The following IKZF2 variants were observed in gnomAD, a reference collection of about 807,000 sequenced individuals.
The protein encoded by IKZF2 is zinc finger protein Helios.
In IKZF2, 15 loss-of-function variants were observed where a neutral mutation model predicts 49.2. That is an observed-to-expected ratio of 0.30 (90% CI 0.20 to 0.47). IKZF2 has a LOEUF of 0.47. IKZF2 is among the 20% of genes least tolerant of loss of function. IKZF2 has a pLI of 1.00. For missense variants in IKZF2, 567 were observed against 664.6 expected (o/e 0.85, Z 1.61); for synonymous variants, 227 against 221.4 (o/e 1.03, Z -0.23).
At chr2:213,056,158 T>A (rs1312788396) in intron 5 of IKZF2, among the ~76,000 whole-genome samples, 2 of 152,166 alleles carry the variant, frequency 1.3e-5, no homozygotes, top group Non-Finnish European at 2.9e-5. Flanking sequence ...ACTTTTCACC[T>A]CTCAAATGTT....
chr2:213,105,286 G>C (rs557444398), intron 4 of IKZF2, among the ~76,000 whole-genome samples: 1 of 151,992 alleles, frequency 6.6e-6, no homozygotes, highest in Non-Finnish European at 1.5e-5. Context: ...ATCATAGCCC[G>C]AAGATCCAAT....
intron 4 of IKZF2, among the ~76,000 whole-genome samples, chr2:213,083,912 A>G (rs1461339773): frequency 6.6e-6 from 1 of 151,854 alleles, no homozygotes; most frequent in Non-Finnish European, 1.5e-5. Context: ...ACAATGTAAT[A>G]ATAGAAACAA....
chr2:213,021,286 T>A (rs1274836785), intron 7 of IKZF2, among the ~76,000 whole-genome samples: 2 of 152,044 alleles, frequency 1.3e-5, no homozygotes, highest in African/African-American at 4.8e-5. Flanking sequence ...TAAGTTGAGA[T>A]TTTTGTCTTT....
rs773991455 is a variant in IKZF2 at position 213,049,695 on chromosome 2, G to A, written c.574+18C>T. 8.6e-6 allele frequency: 13 copies of A among 1,515,788 alleles called. No individual in the cohort carries two copies. The East Asian group carries it at 2.8e-4, about 33-fold the overall frequency. The allele number at this position is 1,515,788 out of a possible 1,614,324, so 93.9% of individuals were successfully genotyped here. On this transcript the variant is annotated intron_variant, in intron 6 of 8. Coordinates refer to ENST00000434687, the MANE Select transcript of IKZF2 (RefSeq NM_001387220.1). ...TTTCCTGTTTTACTTTTCTTCTCAA[G>A]GAGTTGGTGACACTTACCAGAATGG...
At chr2:213,063,034 T>C (rs1166260164) in intron 4 of IKZF2, among the ~76,000 whole-genome samples, 2 of 152,012 alleles carry the variant, frequency 1.3e-5, no homozygotes, top group Non-Finnish European at 2.9e-5. Flanking sequence ...TTTCATGCAA[T>C]GTATTTGTTC....
intron 4 of IKZF2, among the ~76,000 whole-genome samples, chr2:213,075,515 G>A (rs1703157000): frequency 6.6e-6 from 1 of 152,032 alleles, no homozygotes; most frequent in Admixed American, 6.5e-5. Context: ...ATTAGTAGAA[G>A]TTTATTTTTT....
At chr2:213,083,421 G>A (rs550689879) in intron 4 of IKZF2, among the ~76,000 whole-genome samples, 14 of 122,296 alleles carry the variant, frequency 1.1e-4, no homozygotes, top group African/African-American at 3.5e-4. Flanking sequence ...ACGGAGTTTC[G>A]CTCTTGTTGC....
intron 4 of IKZF2, among the ~76,000 whole-genome samples, chr2:213,111,100 T>C (rs1052055846): frequency 3.3e-5 from 5 of 152,002 alleles, no homozygotes; most frequent in African/African-American, 1.2e-4. Context: ...ATGCTATTTT[T>C]TGCCATGTAG....
intron 4 of IKZF2, among the ~76,000 whole-genome samples, chr2:213,074,344 T>G (rs1559238353): frequency 6.6e-6 from 1 of 152,200 alleles, no homozygotes; most frequent in Non-Finnish European, 1.5e-5. Context: ...ATATATTGCC[T>G]GTTGTTCCTA....
chr2:213,053,594 T>C (rs780123995), intron 5 of IKZF2, among the ~76,000 whole-genome samples: 19 of 152,270 alleles, frequency 1.2e-4, no homozygotes, highest in Non-Finnish European at 2.1e-4. Flanking sequence ...AAAGCTGCAA[T>C]GTACAAAATA....
chr2:213,007,876 A>G lies in IKZF2; in HGVS notation c.1065T>C (p.Tyr355=). 1 of 1,613,560 alleles carries G rather than the reference A, an allele frequency of 6.2e-7. No individual in the cohort carries two copies. Among genetic ancestry groups the G allele is most frequent in the Admixed American group, 1.7e-5 (1 of 59,900 alleles). ...TCCTATTTGGATGATAGACCTGAGA[A>G]TAAGCTGAGCTTATAACTGGGGCCA... ...AEVAPVISSA[Y]SQVYHPNRIE... Residue 355 remains tyrosine (Y), a synonymous_variant, in exon 9 of 9, where the codon TAT becomes TAC. Transcript: ENST00000434687.
chr2:213,028,159 C>A (rs1258098258), intron 6 of IKZF2, among the ~76,000 whole-genome samples: 1 of 151,930 alleles, frequency 6.6e-6, no homozygotes, highest in East Asian at 1.9e-4. Context: ...ATTATCCTTT[C>A]CCCCCTTAAA....
rs1696307998 is a variant in IKZF2 at position 213,014,200 on chromosome 2, G to A, written c.713-266C>T. On this transcript the variant is annotated intron_variant, in intron 7 of 8. Coordinates refer to ENST00000434687, the MANE Select transcript of IKZF2 (RefSeq NM_001387220.1). ...CTATTGGTGGCAAACTTGTTCATGT[G>A]GTTTCTCATCTTATTCCCCTGAAAG... 3 of 239,292 alleles carry A rather than the reference G, an allele frequency of 1.3e-5. No individual in the cohort carries two copies. The South Asian group carries it at 4.3e-4, about 34-fold the overall frequency. 14.8% of individuals were successfully genotyped at this position (239,292 alleles called of 1,614,324 possible). A position where few individuals can be genotyped will look rare whatever the true frequency, so the allele number is the denominator to read the frequency against.
chr2:213,093,225 C>CA (rs1366971438), intron 4 of IKZF2, among the ~76,000 whole-genome samples: 1 of 152,004 alleles, frequency 6.6e-6, no homozygotes, highest in African/African-American at 2.4e-5. Flanking sequence ...GATAAAAATC[C>CA]AAAATTCTTC....
At chr2:213,028,573 TC>T (rs1698061559) in intron 6 of IKZF2, among the ~76,000 whole-genome samples, 1 of 152,168 alleles carries the variant, frequency 6.6e-6, no homozygotes, top group South Asian at 2.1e-4. Flanking sequence ...CGTACACAGT[TC>T]TTACACATAT....
At chr2:213,040,472 A>C (rs2125260122) in intron 6 of IKZF2, among the ~76,000 whole-genome samples, 1 of 152,166 alleles carries the variant, frequency 6.6e-6, no homozygotes, top group East Asian at 1.9e-4. Context: ...TTAAAATTAT[A>C]CACTCTTCTG....
At chr2:213,032,621 T>C (rs1424007463) in intron 6 of IKZF2, among the ~76,000 whole-genome samples, 2 of 152,114 alleles carry the variant, frequency 1.3e-5, no homozygotes, top group Non-Finnish European at 2.9e-5. Context: ...CATGCACCAG[T>C]GGTCCCAGTT....
chr2:213,083,953 A>G (rs1704273891), intron 4 of IKZF2, among the ~76,000 whole-genome samples: 1 of 152,086 alleles, frequency 6.6e-6, no homozygotes, highest in African/African-American at 2.4e-5. Flanking sequence ...CTCTTGAATC[A>G]TCCCGAAACC....
intron 4 of IKZF2, among the ~76,000 whole-genome samples, chr2:213,136,967 A>C (rs930468773): frequency 6.6e-6 from 1 of 152,116 alleles, no homozygotes; most frequent in Non-Finnish European, 1.5e-5. Flanking sequence ...TATCTCTTCA[A>C]ATTTGTTACA....
Sources: allele counts gnomAD v4.1 joint callset (sites outside exome capture counted in the v4.1 genomes callset), GRCh38; gene constraint gnomAD v4.1.1; transcripts MANE v1.5; gene names NCBI Gene and HGNC (gene_info 2026-07-23, HGNC 2026-07-21).